Variants in DOCK4 observed in about 807,000 individuals in gnomAD.
DOCK4 encodes dedicator of cytokinesis 4.
DOCK4 carries 97 observed loss-of-function variants against 268.1 expected under a neutral mutation model. The observed-to-expected ratio is 0.36, with a 90% confidence interval of 0.31 to 0.43. DOCK4 has a LOEUF of 0.43. DOCK4 is among the 20% of genes least tolerant of loss of function. The pLI, the probability that DOCK4 is intolerant of heterozygous loss-of-function variation, is 1.00. For missense variants in DOCK4, 2,145 were observed against 2,455.7 expected (o/e 0.87, Z 2.67); for synonymous variants, 954 against 887.2 (o/e 1.08, Z -1.34).
chr7:111,863,229 A>G (rs1426477953), intron 23 of DOCK4, 143 bp downstream of exon 23: 3 of 823,922 alleles, frequency 3.6e-6, no homozygotes, highest in Non-Finnish European at 3.9e-6. Flanking sequence ...TGACTACTAA[A>G]TACATTTACC....
intron 8 of DOCK4, among the ~76,000 whole-genome samples, chr7:111,962,583 G>C (rs1228176258): frequency 6.6e-6 from 1 of 152,052 alleles, no homozygotes; most frequent in African/African-American, 2.4e-5. Context: ...ATGTGTCTTG[G>C]GGGTGAAGAG....
At chr7:111,841,276 G>A (rs1378914767) in intron 25 of DOCK4, among the ~76,000 whole-genome samples, 2 of 151,694 alleles carry the variant, frequency 1.3e-5, no homozygotes, top group Non-Finnish European at 2.9e-5. Context: ...GCCATTTTTG[G>A]GCCTCAGTCT....
At chr7:111,809,886 A>T (rs73434277) in intron 28 of DOCK4, among the ~76,000 whole-genome samples, 10,590 of 152,234 alleles carry the variant, frequency 0.07, 1,240 homozygotes, top group African/African-American at 0.24. Flanking sequence ...AAATTCAGAC[A>T]TTATATAAAA....
At chr7:112,150,632 A>G (rs1815969412) in intron 1 of DOCK4, among the ~76,000 whole-genome samples, 2 of 152,110 alleles carry the variant, frequency 1.3e-5, no homozygotes, top group South Asian at 4.1e-4. Flanking sequence ...GGTGGCTTCA[A>G]CATCTGCTCA....
chr7:111,812,061 G>A, intron 27 of DOCK4, 112 bp from the exon 28 acceptor site: 1 of 556,234 alleles, frequency 1.8e-6, no homozygotes, highest in Non-Finnish European at 3.2e-6. Flanking sequence ...TAAGCATCTG[G>A]AGCAATATTA....
At chr7:111,900,660 G>A in intron 14 of DOCK4, 124 bp from the exon 15 acceptor site, 1 of 1,002,630 alleles carries the variant, frequency 1.0e-6, no homozygotes, top group Non-Finnish European at 1.4e-6. Context: ...ACCTCGCTGG[G>A]CCTTTGCCGT....
chr7:111,745,410 C>T (rs987606339), intron 44 of DOCK4, among the ~76,000 whole-genome samples: 7 of 152,026 alleles, frequency 4.6e-5, no homozygotes, highest in South Asian at 2.1e-4. Context: ...CGGCCAGGCG[C>T]GGTGGCTCAC....
intron 1 of DOCK4, among the ~76,000 whole-genome samples, chr7:112,157,234 A>G (rs927984097): frequency 6.6e-6 from 1 of 152,146 alleles, no homozygotes; most frequent in Non-Finnish European, 1.5e-5. Flanking sequence ...ACAAAACCTC[A>G]TATGTGTTTT....
intron 12 of DOCK4, among the ~76,000 whole-genome samples, chr7:111,930,065 A>C (rs1011576167): frequency 6.6e-6 from 1 of 152,208 alleles, no homozygotes; most frequent in Non-Finnish European, 1.5e-5. Flanking sequence ...CCATTTGCTC[A>C]ACAAACCTAA....
chr7:111,779,088 AT>A (rs1310573189), intron 35 of DOCK4, among the ~76,000 whole-genome samples: 1 of 151,764 alleles, frequency 6.6e-6, no homozygotes, highest in African/African-American at 2.4e-5. Flanking sequence ...AAAAAAAAAA[AT>A]AAAAAGCAAA....
chr7:111,796,145 C>T (rs1439124401), intron 30 of DOCK4, among the ~76,000 whole-genome samples: 3 of 152,176 alleles, frequency 2.0e-5, no homozygotes, highest in Non-Finnish European at 4.4e-5. Flanking sequence ...AGACCTTACA[C>T]CATCAGAGAG....
At chr7:111,962,479 T>C (rs1796996934) in intron 8 of DOCK4, among the ~76,000 whole-genome samples, 1 of 152,112 alleles carries the variant, frequency 6.6e-6, no homozygotes, top group Non-Finnish European at 1.5e-5. Flanking sequence ...CTGATGTAGC[T>C]ACTAAATGAC....
chr7:111,731,579 A>AT (rs773782863), intron 52 of DOCK4, among the ~76,000 whole-genome samples: 5 of 152,212 alleles, frequency 3.3e-5, no homozygotes, highest in South Asian at 4.1e-4. Context: ...TTCATGAGGG[A>AT]TTTTTTATGT....
At chr7:112,081,191 G>C (rs561847979) in intron 1 of DOCK4, among the ~76,000 whole-genome samples, 1 of 152,226 alleles carries the variant, frequency 6.6e-6, no homozygotes, top group African/African-American at 2.4e-5. Flanking sequence ...AGTCAGACAG[G>C]AATGCGAATC....
At chr7:111,971,437 ACTAGACATT>A (rs1311605031) in intron 8 of DOCK4, 1 of 231,920 alleles carries the variant, frequency 4.3e-6, no homozygotes, top group Non-Finnish European at 8.6e-6. Context: ...CTTCCTGTGG[ACTAGACATT>A]CTAGTCTTGC....
chr7:111,878,615 C>T (rs879728787), intron 16 of DOCK4, among the ~76,000 whole-genome samples: 3 of 152,206 alleles, frequency 2.0e-5, no homozygotes, highest in Non-Finnish European at 2.9e-5. Context: ...TCCCCCATCC[C>T]CCGGCAGTAG....
chr7:111,755,630 C>T, intron 41 of DOCK4, 29 bp from the exon 42 acceptor site: 2 of 1,605,312 alleles, frequency 1.2e-6, no homozygotes, highest in Non-Finnish European at 1.7e-6. Context: ...ATTAAGTCTC[C>T]CAAGTTGCCC....
At chr7:112,142,221 A>C (rs1814999710) in intron 1 of DOCK4, among the ~76,000 whole-genome samples, 2 of 152,192 alleles carry the variant, frequency 1.3e-5, no homozygotes, top group Admixed American at 1.3e-4. Context: ...ACATAGCTAG[A>C]AAGTGGGGCT....
At chr7:111,849,005 G>A (rs190710013) in intron 23 of DOCK4, among the ~76,000 whole-genome samples, 1 of 152,206 alleles carries the variant, frequency 6.6e-6, no homozygotes, top group Admixed American at 6.5e-5. Flanking sequence ...GACTTCAAAA[G>A]AAGTACTTCA....
Sources: allele counts gnomAD v4.1 joint callset (sites outside exome capture counted in the v4.1 genomes callset), GRCh38; gene constraint gnomAD v4.1.1; transcripts MANE v1.5; gene names NCBI Gene and HGNC (gene_info 2026-07-23, HGNC 2026-07-21).